Variants in MED4 observed in about 807,000 individuals in gnomAD.
MED4 encodes mediator of RNA polymerase II transcription subunit 4.
In MED4, 21 loss-of-function variants were observed where a neutral mutation model predicts 35.0. The observed-to-expected ratio is 0.60, with a 90% confidence interval of 0.43 to 0.86. The LOEUF (loss-of-function observed/expected upper bound fraction) is 0.86, where lower values mean the gene tolerates loss of function less well. Ranked by LOEUF, MED4 falls within the 40% of genes least tolerant of loss-of-function variation. MED4 has a pLI of 0.00. For missense variants in MED4, 300 were observed against 319.4 expected (o/e 0.94, Z 0.46); for synonymous variants, 138 against 114.0 (o/e 1.21, Z -1.34).
At chr13:48,086,065 GT>G (rs1249522144) in intron 3 of MED4, among the ~76,000 whole-genome samples, 1 of 152,008 alleles carries the variant, frequency 6.6e-6, no homozygotes, top group Non-Finnish European at 1.5e-5. Flanking sequence ...CATCGAAAAT[GT>G]GGCTCACAAG....
chr13:48,091,835 T>C (rs1443296645), intron 1 of MED4, among the ~76,000 whole-genome samples: 1 of 152,172 alleles, frequency 6.6e-6, no homozygotes, highest in African/African-American at 2.4e-5. Flanking sequence ...GGTTGGCTAC[T>C]TCAATAGGGT....
intron 1 of MED4, among the ~76,000 whole-genome samples, chr13:48,090,781 G>T (rs948089982): frequency 3.3e-5 from 5 of 152,188 alleles, no homozygotes; most frequent in Admixed American, 6.5e-5. Context: ...TTCTCATTTT[G>T]ATTTGATCTA....
chr13:48,089,589 A>AC lies in MED4; in HGVS notation c.192+762_192+763insG, dbSNP rs1380495919. ...GAGACTATGTCTCTACCAAAAAAAAAAATTTCTTTTAAATTAGCAAGGCAT... is the reference window on the plus strand; with the variant it reads ...GAGACTATGTCTCTACCAAAAAAAAACAATTTCTTTTAAATTAGCAAGGCAT... On this transcript the variant is annotated intron_variant, in intron 2 of 6. Transcript: ENST00000258648. Among the ~76,000 whole-genome samples, 8 of 152,080 alleles carry AC rather than the reference A, an allele frequency of 5.3e-5. No homozygotes were observed. The South Asian group carries it at 1.2e-3, about 24-fold the overall frequency.
At chr13:48,083,797 C>T (rs1357999645) in intron 3 of MED4, among the ~76,000 whole-genome samples, 3 of 152,082 alleles carry the variant, frequency 2.0e-5, no homozygotes, top group African/African-American at 7.2e-5. Flanking sequence ...CTTTTTTCCC[C>T]TAGTTTGGAA....
At position 48,076,875 on chromosome 13, in the gene MED4, G is replaced by A; in HGVS notation, c.*264C>T. 2 of 339,258 alleles carry A rather than the reference G, an allele frequency of 5.9e-6. No individual in the cohort carries two copies. Among genetic ancestry groups the A allele is most frequent in the Non-Finnish European group, 5.4e-6 (1 of 186,308 alleles). The allele number at this position is 339,258 out of a possible 1,614,324, so 21.0% of individuals were successfully genotyped here. A position where few individuals can be genotyped will look rare whatever the true frequency, so the allele number is the denominator to read the frequency against. ...TCCAGCAAAACTGGAACAGAACAGG[G>A]TAAGAAAGCACATAGCAACTGCTTT... On this transcript the variant is annotated 3_prime_UTR_variant, in exon 7 of 7. Coordinates refer to ENST00000258648, the MANE Select transcript of MED4 (RefSeq NM_014166.4).
At chr13:48,090,300 T>C (rs1449219290) in intron 2 of MED4, 52 bp downstream of exon 2, 2 of 1,410,194 alleles carry the variant, frequency 1.4e-6, no homozygotes, top group East Asian at 2.4e-5. Context: ...AGTTTTTTTC[T>C]TTTAATTAAA....
At position 48,075,760 on chromosome 13, in the gene MED4, C is replaced by T. The variant is rs1306456347; in HGVS notation, c.*1379G>A. On this transcript the variant is annotated 3_prime_UTR_variant, in exon 7 of 7. Coordinates refer to ENST00000258648, the MANE Select transcript of MED4 (RefSeq NM_014166.4). ...AAAGTAAATCTTTCAAGAATGTATA[C>T]ACATGGATCAATATTCCTAGTATAC... Among the ~76,000 whole-genome samples the T allele has an allele frequency of 6.6e-6, 1 of 152,124 alleles. No individual in the cohort carries two copies. Among genetic ancestry groups the T allele is most frequent in the Admixed American group, 6.5e-5 (1 of 15,276 alleles).
intron 1 of MED4, 47 bp from the exon 2 acceptor site, chr13:48,090,465 T>C (rs1261638627): frequency 6.8e-7 from 1 of 1,464,568 alleles, no homozygotes; most frequent in Non-Finnish European, 9.4e-7. Flanking sequence ...CACAGCATAC[T>C]GAACACTCAG....
intron 2 of MED4, among the ~76,000 whole-genome samples, chr13:48,088,239 A>G (rs966547833): frequency 1.3e-5 from 2 of 152,230 alleles, no homozygotes; most frequent in African/African-American, 4.8e-5. Flanking sequence ...CAGAAAGAAA[A>G]TATCTATCAA....
intron 2 of MED4, among the ~76,000 whole-genome samples, chr13:48,089,222 A>C: frequency 6.6e-6 from 1 of 152,104 alleles, no homozygotes. Context: ...ACTACCCCTA[A>C]GGTTAGCTGT....
chr13:48,079,831 G>A lies in MED4; in HGVS notation c.640+13C>T, dbSNP rs775999527. The A allele has an allele frequency of 3.5e-5, 56 of 1,612,060 alleles. No individual in the cohort carries two copies. The highest frequency in any genetic ancestry group is 8.0e-5 in the African/African-American group (6 of 74,720). ...CCTGATCTGTTTGAAAACACTCTTC[G>A]GCTTAACATTACCTGGCAATCTTCC... On this transcript the variant is annotated intron_variant, in intron 6 of 6. Transcript: ENST00000258648.
chr13:48,094,984 G>T lies in MED4; in HGVS notation c.95C>A (p.Ser32Tyr). Reference sequence around the variant, plus strand: ...CAGGACCTCCAAGTCCTCAAGCGCAGACAGCAGCCGCTCTCGTGTGCTGTT... The same window carrying T: ...CAGGACCTCCAAGTCCTCAAGCGCATACAGCAGCCGCTCTCGTGTGCTGTT... ...GGNSTRERLL[S>Y]ALEDLEVLSR... is the part of the protein sequence containing the mutation. The change falls in exon 1 of 7, where the codon TCT (serine) becomes TAT (tyrosine). Residue 32 changes from serine (S) to tyrosine (Y), a missense_variant. Coordinates refer to ENST00000258648, the MANE Select transcript of MED4 (RefSeq NM_014166.4). 6.2e-7 allele frequency: 1 copy of T among 1,604,022 alleles called. No individual in the cohort carries two copies.
rs1217760561 is a variant in MED4 at position 48,089,092 on chromosome 13, G to A, written c.192+1260C>T. On this transcript the variant is annotated intron_variant, in intron 2 of 6. Coordinates refer to ENST00000258648, the MANE Select transcript of MED4 (RefSeq NM_014166.4). ...TTGCATTTTACTTCTTGCATACTTTGTATAAATTCCTATTTAATCCCACGG... is the reference window on the plus strand; with the variant it reads ...TTGCATTTTACTTCTTGCATACTTTATATAAATTCCTATTTAATCCCACGG... Among the ~76,000 whole-genome samples, 3 of 152,150 alleles carry A rather than the reference G, an allele frequency of 2.0e-5. No homozygotes were observed. In the East Asian group the frequency reaches 5.8e-4, roughly 29 times the overall value.
intron 2 of MED4, among the ~76,000 whole-genome samples, chr13:48,087,289 C>T (rs114263460): frequency 0.03 from 4,544 of 151,974 alleles, 166 homozygotes; most frequent in Admixed American, 0.11. Flanking sequence ...CGCTTGAACC[C>T]GGAGGCAGAG....
intron 5 of MED4, 58 bp downstream of exon 5, chr13:48,081,587 G>C: frequency 8.6e-7 from 1 of 1,165,374 alleles, no homozygotes; most frequent in South Asian, 1.4e-5. Context: ...TCTGTACATA[G>C]TCACCTAAGA....
At chr13:48,093,484 A>G in intron 1 of MED4, 3 of 364,554 alleles carry the variant, frequency 8.2e-6, no homozygotes, top group South Asian at 4.1e-5. Flanking sequence ...AATGCAAGCC[A>G]GACACAAATT....
At chr13:48,080,054 T>A in intron 5 of MED4, 79 bp from the exon 6 acceptor site, 1 of 1,492,270 alleles carries the variant, frequency 6.7e-7, no homozygotes, top group Non-Finnish European at 9.1e-7. Flanking sequence ...ATACTCATTT[T>A]CGCTGGTTCA....
chr13:48,083,576 C>A (rs1950826518), intron 3 of MED4, 148 bp from the exon 4 acceptor site: 3 of 571,532 alleles, frequency 5.2e-6, no homozygotes, highest in Admixed American at 7.0e-5. Flanking sequence ...TTCTGAAATA[C>A]CACTTGACAT....
chr13:48,082,752 G>A (rs1013047098), intron 4 of MED4, among the ~76,000 whole-genome samples: 9 of 152,222 alleles, frequency 5.9e-5, no homozygotes, highest in South Asian at 4.2e-4. Context: ...GCGTGAACCC[G>A]GGAGGCGGAG....
Sources: allele counts gnomAD v4.1 joint callset (sites outside exome capture counted in the v4.1 genomes callset), GRCh38; gene constraint gnomAD v4.1.1; transcripts MANE v1.5; gene names NCBI Gene and HGNC (gene_info 2026-07-23, HGNC 2026-07-21).